ARHGAP22: variants seen among roughly 807,000 people sequenced by gnomAD.
ARHGAP22 encodes the protein Rho GTPase activating protein 22.
In ARHGAP22, 48 loss-of-function variants were observed where a neutral mutation model predicts 59.1. The observed-to-expected ratio is 0.81, with a 90% CI of 0.64 to 1.03. The LOEUF is 1.03. ARHGAP22 is among the 50% of genes least tolerant of loss of function. The pLI is 0.00. For missense variants in ARHGAP22, 1,015 were observed against 958.7 expected, an observed-to-expected ratio of 1.06 and a Z score of -0.78; for synonymous variants, 445 against 416.4, an observed-to-expected ratio of 1.07 and a Z score of -0.84.
intron 3 of ARHGAP22, among the ~76,000 whole-genome samples, chr10:48,515,362 T>C (rs1467058441): frequency 1.3e-5 from 2 of 152,140 alleles, no homozygotes; most frequent in Non-Finnish European, 2.9e-5. Flanking sequence ...TTTATAATGA[T>C]AAAAGGGTAG....
intron 1 of ARHGAP22, among the ~76,000 whole-genome samples, chr10:48,598,317 G>T (rs954378375): frequency 6.6e-6 from 1 of 152,238 alleles, no homozygotes; most frequent in African/African-American, 2.4e-5. Context: ...ATGAACCTCA[G>T]GCAGCAACAG....
intron 3 of ARHGAP22, among the ~76,000 whole-genome samples, chr10:48,497,093 T>C (rs2051016433): frequency 6.6e-6 from 1 of 152,074 alleles, no homozygotes; most frequent in Non-Finnish European, 1.5e-5. Context: ...GCTGACCTCC[T>C]AGGGGTTTGA....
upstream of ARHGAP22, among the ~76,000 whole-genome samples, chr10:48,607,053 T>C (rs1261731376): frequency 6.6e-6 from 1 of 152,122 alleles, no homozygotes; most frequent in Non-Finnish European, 1.5e-5. Context: ...AAATCTCATG[T>C]CGACACCAGG....
intron 3 of ARHGAP22, among the ~76,000 whole-genome samples, chr10:48,517,194 A>G (rs915663322): frequency 2.0e-5 from 3 of 152,208 alleles, no homozygotes; most frequent in African/African-American, 7.2e-5. Context: ...TGACTACATT[A>G]AAAACTGCTG....
chr10:48,520,903 C>T (rs1192986233), intron 3 of ARHGAP22, among the ~76,000 whole-genome samples: 1 of 152,180 alleles, frequency 6.6e-6, no homozygotes, highest in Non-Finnish European at 1.5e-5. Context: ...TGGAACAAAG[C>T]TGACTCCATG....
chr10:48,592,412 C>T (rs934271933), intron 1 of ARHGAP22, among the ~76,000 whole-genome samples: 6 of 152,216 alleles, frequency 3.9e-5, no homozygotes, highest in African/African-American at 7.2e-5. Flanking sequence ...TCAACCCAAG[C>T]GTCCAGTCAG....
At chr10:48,462,254 G>T (rs1431426546) in intron 4 of ARHGAP22, among the ~76,000 whole-genome samples, 1 of 127,104 alleles carries the variant, frequency 7.9e-6, no homozygotes, top group Non-Finnish European at 1.6e-5. Context: ...GGGGTGGGGG[G>T]GGGGCACCTG....
intron 2 of ARHGAP22, among the ~76,000 whole-genome samples, chr10:48,562,487 C>A (rs2057753198): frequency 6.6e-6 from 1 of 152,154 alleles, no homozygotes; most frequent in Admixed American, 6.5e-5. Context: ...ATGCACGCTG[C>A]AACATGGATG....
chr10:48,591,880 A>C (rs1056779425), intron 1 of ARHGAP22, among the ~76,000 whole-genome samples: 11 of 151,968 alleles, frequency 7.2e-5, no homozygotes, highest in African/African-American at 1.5e-4. Context: ...TCTAAAAAAA[A>C]CCCCAAAACA....
chr10:48,523,472 G>A (rs1418740055), intron 3 of ARHGAP22, among the ~76,000 whole-genome samples: 1 of 152,240 alleles, frequency 6.6e-6, no homozygotes, highest in East Asian at 1.9e-4. Context: ...GTGTTTCTGG[G>A]CTTTGGGCCC....
At chr10:48,471,665 C>T (rs1011541836) in intron 4 of ARHGAP22, among the ~76,000 whole-genome samples, 16 of 152,278 alleles carry the variant, frequency 1.1e-4, no homozygotes, top group Middle Eastern at 3.4e-3. Flanking sequence ...GCCTCCACTG[C>T]GCCCTTCCTC....
At chr10:48,465,424 G>C (rs1258166570) in intron 4 of ARHGAP22, among the ~76,000 whole-genome samples, 1 of 152,240 alleles carries the variant, frequency 6.6e-6, no homozygotes, top group African/African-American at 2.4e-5. Flanking sequence ...TATGACCCTG[G>C]GCACTGTCCT....
chr10:48,508,302 T>C (rs746381450), intron 3 of ARHGAP22, among the ~76,000 whole-genome samples: 2 of 152,350 alleles, frequency 1.3e-5, no homozygotes, highest in South Asian at 2.1e-4. Context: ...GTGTGCCTCA[T>C]GACCAGCTGT....
At chr10:48,637,921 G>A (rs2061889425) in intron 1 of ARHGAP22, among the ~76,000 whole-genome samples, 1 of 152,102 alleles carries the variant, frequency 6.6e-6, no homozygotes, top group Admixed American at 6.5e-5. Flanking sequence ...CATGCTGCCA[G>A]CCACTTGTGC....
At chr10:48,462,785 A>ATCC (rs2047275238) in intron 4 of ARHGAP22, among the ~76,000 whole-genome samples, 1 of 152,240 alleles carries the variant, frequency 6.6e-6, no homozygotes, top group African/African-American at 2.4e-5. Context: ...TGAGCACAGG[A>ATCC]GGTGATCCTG....
intron 1 of ARHGAP22, among the ~76,000 whole-genome samples, chr10:48,628,869 TG>T (rs2136081615): frequency 6.6e-6 from 1 of 152,170 alleles, no homozygotes; most frequent in East Asian, 1.9e-4. Flanking sequence ...TCCATCAACC[TG>T]GGGAGTCTGA....
At chr10:48,554,219 C>A (rs1020952228) in intron 3 of ARHGAP22, among the ~76,000 whole-genome samples, 1 of 152,208 alleles carries the variant, frequency 6.6e-6, no homozygotes, top group Non-Finnish European at 1.5e-5. Flanking sequence ...TGTGCCCCTG[C>A]GAACTCTGGT....
intron 3 of ARHGAP22, among the ~76,000 whole-genome samples, chr10:48,540,523 G>A (rs2055834794): frequency 6.6e-6 from 1 of 152,212 alleles, no homozygotes; most frequent in Non-Finnish European, 1.5e-5. Context: ...GAGCCACCAT[G>A]CCCTGCCAGC....
At chr10:48,647,760 G>A (rs1037359188) in intron 1 of ARHGAP22, among the ~76,000 whole-genome samples, 6 of 152,196 alleles carry the variant, frequency 3.9e-5, no homozygotes, top group East Asian at 3.8e-4. Context: ...AGCATCATTC[G>A]TAATAATCCC....
Sources: gnomAD v4.1 joint callset for allele counts (sites outside exome capture counted in the v4.1 genomes callset) on GRCh38, gnomAD v4.1.1 for gene constraint, MANE v1.5 for transcripts, NCBI Gene and HGNC (gene_info 2026-07-23, HGNC 2026-07-21) for gene names.